FMO4: variants seen among roughly 807,000 people sequenced by gnomAD.
The protein encoded by FMO4 is dimethylaniline monooxygenase [N-oxide-forming] 4.
A neutral mutation model predicts 43.3 loss-of-function variants in FMO4; 38 were observed. That is an observed-to-expected ratio of 0.88 (90% confidence interval 0.68 to 1.15). FMO4 has a LOEUF of 1.15. Among genes scored for constraint, FMO4 ranks in the 50% most tolerant of loss-of-function variants. The pLI is 0.00. For synonymous variants in FMO4, 224 were observed against 232.2 expected (o/e 0.96, Z 0.32); for missense variants, 631 against 663.3 (o/e 0.95, Z 0.54).
intron 7 of FMO4, among the ~76,000 whole-genome samples, chr1:171,333,416 G>A (rs1293131380): frequency 6.6e-6 from 1 of 151,994 alleles, no homozygotes; most frequent in Non-Finnish European, 1.5e-5. Flanking sequence ...TAGAGACAGT[G>A]TTTCACCATG....
chr1:171,338,900 T>C (rs531480527), intron 9 of FMO4, among the ~76,000 whole-genome samples: 3 of 152,356 alleles, frequency 2.0e-5, no homozygotes, highest in Admixed American at 1.3e-4. Context: ...TGGAATGTGA[T>C]AGACACTTAA....
intron 5 of FMO4, among the ~76,000 whole-genome samples, chr1:171,328,168 G>A (rs1662743437): frequency 6.6e-6 from 1 of 152,074 alleles, no homozygotes; most frequent in South Asian, 2.1e-4. Context: ...AGCCTCCTGA[G>A]TAGCTGGGAT....
rs1377144297 is a variant in FMO4 at position 171,319,842 on chromosome 1, C to A, written c.17C>A (p.Ala6Glu). The change falls in exon 3 of 10, where the codon GCA (alanine) becomes GAA (glutamate). Residue 6 changes from alanine (A) to glutamate (E), a missense_variant. Coordinates refer to ENST00000367749, the MANE Select transcript of FMO4 (RefSeq NM_002022.3). ...GAGCATACCATGGCCAAGAAAGTTGCAGTGATTGGAGCTGGTGTGAGTGGC... is the reference window on the plus strand; with the variant it reads ...GAGCATACCATGGCCAAGAAAGTTGAAGTGATTGGAGCTGGTGTGAGTGGC... MAKKV[A>E]VIGAGVSGLS... The A allele has an allele frequency of 6.2e-7, 1 of 1,613,810 alleles. No homozygotes were observed. The highest frequency in any genetic ancestry group is 8.5e-7 in the Non-Finnish European group (1 of 1,179,766).
chr1:171,318,700 A>G (rs1662289537), intron 2 of FMO4, among the ~76,000 whole-genome samples: 1 of 147,434 alleles, frequency 6.8e-6, no homozygotes, highest in Non-Finnish European at 1.5e-5. Flanking sequence ...GGGCTGCTCA[A>G]CCGGTAATAG....
intron 5 of FMO4, among the ~76,000 whole-genome samples, chr1:171,331,423 T>G (rs188771972): frequency 6.9e-4 from 105 of 152,344 alleles, no homozygotes; most frequent in African/African-American, 2.4e-3. Context: ...AGATTTCCTA[T>G]GTTTTTAACA....
chr1:171,333,189 G>A, intron 7 of FMO4: 1 of 278,858 alleles, frequency 3.6e-6, no homozygotes. Context: ...TGTTGTTGTT[G>A]TTGTTGTTGT....
intron 2 of FMO4, among the ~76,000 whole-genome samples, chr1:171,318,697 TC>T (rs1340050148): frequency 1.3e-5 from 2 of 152,214 alleles, no homozygotes; most frequent in African/African-American, 2.4e-5. Flanking sequence ...TTTGGGCTGC[TC>T]AACCGGTAAT....
At chr1:171,325,122 CAAAT>C (rs924644045) in intron 5 of FMO4, among the ~76,000 whole-genome samples, 7 of 151,954 alleles carry the variant, frequency 4.6e-5, no homozygotes, top group Non-Finnish European at 8.8e-5. Context: ...AATAAATGAA[CAAAT>C]AAATAAATAA....
intron 5 of FMO4, among the ~76,000 whole-genome samples, chr1:171,328,823 T>C (rs1475761138): frequency 2.0e-5 from 3 of 152,128 alleles, no homozygotes; most frequent in Non-Finnish European, 4.4e-5. Context: ...ACTTGATCTG[T>C]GGGGCTTGTC....
At chr1:171,333,953 A>G (rs1203849991) in intron 7 of FMO4, among the ~76,000 whole-genome samples, 1 of 152,136 alleles carries the variant, frequency 6.6e-6, no homozygotes, top group Non-Finnish European at 1.5e-5. Context: ...CCTCCCAGAT[A>G]GGTGGGACTA....
intron 5 of FMO4, among the ~76,000 whole-genome samples, chr1:171,324,852 C>T (rs1289900279): frequency 1.3e-5 from 2 of 152,036 alleles, no homozygotes; most frequent in Non-Finnish European, 2.9e-5. Flanking sequence ...CTGGGCATAG[C>T]GGTTCATACC....
intron 2 of FMO4, 87 bp from the exon 3 acceptor site, chr1:171,319,731 A>G: frequency 8.7e-7 from 1 of 1,146,920 alleles, no homozygotes; most frequent in Non-Finnish European, 1.3e-6. Context: ...AAAGGCATAT[A>G]TAGCACTACA....
rs1483928943 is a variant in FMO4, at chr1:171,341,744, C to G, written c.1582C>G (p.Leu528Val). ...WGAPVLLASL[L>V]LICKSSLFLK... ...GGCACCTGTCCTACTTGCCTCTCTTCTACTTATCTGTAAATCTTCACTTTT... is the reference window on the plus strand; with the variant it reads ...GGCACCTGTCCTACTTGCCTCTCTTGTACTTATCTGTAAATCTTCACTTTT... The change falls in exon 10 of 10, where the codon CTA becomes GTA. Residue 528 changes from leucine to valine, a missense_variant. Leu to Val is a conservative substitution (Grantham distance 32, BLOSUM62 1). Coordinates refer to ENST00000367749, the MANE Select transcript of FMO4 (RefSeq NM_002022.3). 1 of 1,613,770 alleles carries G rather than the reference C, an allele frequency of 6.2e-7. No homozygotes were observed. Among genetic ancestry groups the G allele is most frequent in the Admixed American group, 1.7e-5 (1 of 59,926 alleles).
At chr1:171,339,942 T>G (rs1216178677) in intron 9 of FMO4, among the ~76,000 whole-genome samples, 1 of 152,178 alleles carries the variant, frequency 6.6e-6, no homozygotes, top group Non-Finnish European at 1.5e-5. Context: ...TTGAAATCGC[T>G]GATGAAGACT....
intron 5 of FMO4, 117 bp from the exon 6 acceptor site, chr1:171,331,523 A>G (rs979849338): frequency 2.2e-6 from 2 of 907,804 alleles, no homozygotes; most frequent in Non-Finnish European, 3.4e-6. Flanking sequence ...CACAAGCAGC[A>G]TAAGCAAAGG....
At chr1:171,321,183 G>A (rs1662408127) in intron 3 of FMO4, among the ~76,000 whole-genome samples, 1 of 151,836 alleles carries the variant, frequency 6.6e-6, no homozygotes, top group Admixed American at 6.6e-5. Context: ...CTATTCTAAA[G>A]TAATACAGAT....
chr1:171,336,876 A>AT (rs1390357383), intron 8 of FMO4, among the ~76,000 whole-genome samples: 1 of 152,126 alleles, frequency 6.6e-6, no homozygotes, highest in Admixed American at 6.6e-5. Flanking sequence ...TGCTGGGGTT[A>AT]TAGGCATGAG....
intron 2 of FMO4, 102 bp from the exon 3 acceptor site, chr1:171,319,716 G>GA (rs1327200609): frequency 5.0e-5 from 47 of 932,074 alleles, no homozygotes; most frequent in Non-Finnish European, 7.0e-5. Context: ...ACTCAAAGAT[G>GA]AAAAAAAGGC....
At chr1:171,324,004 TGA>T in intron 4 of FMO4, 132 bp from the exon 5 acceptor site, 1 of 728,074 alleles carries the variant, frequency 1.4e-6, no homozygotes. Context: ...TCTAGGAAGA[TGA>T]TAAATCAATA....
Sources: allele counts gnomAD v4.1 joint callset (sites outside exome capture counted in the v4.1 genomes callset), GRCh38; gene constraint gnomAD v4.1.1; transcripts MANE v1.5; gene names NCBI Gene and HGNC (gene_info 2026-07-23, HGNC 2026-07-21).